The following SNED1 variants were observed in gnomAD, a reference collection of about 807,000 sequenced individuals.
SNED1 encodes the protein sushi, nidogen and EGF like domains 1.
In SNED1, 81 loss-of-function variants were observed where a neutral mutation model predicts 166.7. The ratio of observed to expected loss-of-function variants is 0.49; its 90% CI spans 0.41 to 0.58. The LOEUF (loss-of-function observed/expected upper bound fraction) is 0.58, where lower values mean the gene tolerates loss of function less well. Among genes scored for constraint, SNED1 ranks in the 20% least tolerant of loss-of-function variants. SNED1 has a pLI of 0.00. For missense variants in SNED1, 1,604 were observed against 2,000.2 expected (o/e 0.80, Z 3.78); for synonymous variants, 762 against 822.0 (o/e 0.93, Z 1.25).
At chr2:241,031,723 AT>A (rs1434301897) in intron 2 of SNED1, among the ~76,000 whole-genome samples, 2 of 152,152 alleles carry the variant, frequency 1.3e-5, no homozygotes, top group African/African-American at 2.4e-5. Flanking sequence ...CACCACCCCA[AT>A]TCTACGGCCC....
At chr2:241,045,525 A>G (rs2061622472) in intron 8 of SNED1, among the ~76,000 whole-genome samples, 1 of 152,214 alleles carries the variant, frequency 6.6e-6, no homozygotes, top group South Asian at 2.1e-4. Flanking sequence ...ATTTTTGAAA[A>G]AGATTTAAAT....
chr2:241,022,492 C>G (rs143058868), intron 1 of SNED1, among the ~76,000 whole-genome samples: 184 of 152,228 alleles, frequency 1.2e-3, no homozygotes, highest in Non-Finnish European at 2.2e-3. Flanking sequence ...GTTCTTTCCC[C>G]CACTGAATAA....
rs538079685 is a variant in SNED1, at chr2:241,062,806, G to C, written c.2273G>C (p.Arg758Pro). ...CTCCTCTCAGAAATCGATGAGTGCC[G>C]GTCTCAGCCGTGCCTGCATGGGGGC... ...PPQCLEIDEC[R>P]SQPCLHGGSC... The change falls in exon 17 of 32, where the codon CGG becomes CCG. Residue 758 changes from arginine to proline, a missense_variant. Arg to Pro is a moderately radical substitution (Grantham distance 103, BLOSUM62 -2). Transcript: ENST00000310397. 1 of 1,609,894 alleles carries C rather than the reference G, an allele frequency of 6.2e-7. No individual in the cohort carries two copies. Among genetic ancestry groups the C allele is most frequent in the Non-Finnish European group, 8.5e-7 (1 of 1,178,078 alleles).
chr2:241,071,954 C>G, intron 26 of SNED1, 76 bp downstream of exon 26: 1 of 1,216,190 alleles, frequency 8.2e-7, no homozygotes, highest in Non-Finnish European at 1.2e-6. Context: ...GGTCCTGTCC[C>G]CTACATGATG....
chr2:241,032,541 T>G (rs566392010), intron 2 of SNED1, among the ~76,000 whole-genome samples: 117 of 151,680 alleles, frequency 7.7e-4, no homozygotes, highest in African/African-American at 2.3e-3. Flanking sequence ...TGTAAATGAC[T>G]AGGTAATGGG....
intron 29 of SNED1, among the ~76,000 whole-genome samples, chr2:241,086,468 T>A (rs1471850223): frequency 6.6e-6 from 1 of 152,124 alleles, no homozygotes; most frequent in African/African-American, 2.4e-5. Flanking sequence ...TGTGATGCCA[T>A]CCAAAAACTT....
At chr2:241,032,293 T>G (rs543633235) in intron 2 of SNED1, among the ~76,000 whole-genome samples, 2 of 151,746 alleles carry the variant, frequency 1.3e-5, no homozygotes, top group South Asian at 4.2e-4. Flanking sequence ...GAGGTTGCAG[T>G]GAGCCGAGAT....
At chr2:241,031,287 C>T (rs914774221) in intron 2 of SNED1, among the ~76,000 whole-genome samples, 1 of 152,204 alleles carries the variant, frequency 6.6e-6, no homozygotes, top group Non-Finnish European at 1.5e-5. Flanking sequence ...GCCTCAGCCT[C>T]CTGAGCAGCT....
intron 1 of SNED1, among the ~76,000 whole-genome samples, chr2:241,000,948 G>A (rs2060058655): frequency 6.6e-6 from 1 of 152,218 alleles, no homozygotes; most frequent in Non-Finnish European, 1.5e-5. Context: ...AGAGAAAGGG[G>A]TGCTTGGCAG....
At position 241,094,255 on chromosome 2, in the gene SNED1, C is replaced by T. The variant is rs1216119404; in HGVS notation, c.*2619C>T. The T allele has an allele frequency of 6.4e-6, 3 of 467,334 alleles. No homozygotes were observed. Among genetic ancestry groups the T allele is most frequent in the Non-Finnish European group, 1.3e-5 (3 of 226,008 alleles). 28.9% of individuals were successfully genotyped at this position (467,334 alleles called of 1,614,324 possible). A position where few individuals can be genotyped will look rare whatever the true frequency, so the allele number is the denominator to read the frequency against. ...CAGTAGAGAACCCAACAGGCAAGGG[C>T]CCCACTCAGGTATCAGCTCACCTCC... is the stretch of plus-strand genomic sequence containing the variant. On this transcript the variant is annotated 3_prime_UTR_variant, in exon 32 of 32. Coordinates refer to ENST00000310397, the MANE Select transcript of SNED1 (RefSeq NM_001080437.3). The surrounding 1 kb of genome is among the most constrained non-coding windows in gnomAD (Gnocchi z 4.3).
Position 241,075,487 on chromosome 2 carries a change from G to C in SNED1, c.3916+2123G>C, listed in dbSNP as rs2062976309. On this transcript the variant is annotated intron_variant, in intron 27 of 31. Coordinates refer to ENST00000310397, the MANE Select transcript of SNED1 (RefSeq NM_001080437.3). The surrounding 1 kb of genome is among the most constrained non-coding windows in gnomAD (Gnocchi z 4.8). ...CTGATGTGACTGCGCCTCTCCTCATGGGCATCCACCAAAGGTGTTTGCTTC... is the reference window on the plus strand; with the variant it reads ...CTGATGTGACTGCGCCTCTCCTCATCGGCATCCACCAAAGGTGTTTGCTTC... The C allele has an allele frequency of 6.6e-6, 1 of 152,168 alleles. No homozygotes were observed. The highest frequency in any genetic ancestry group is 2.1e-4 in the South Asian group (1 of 4,826). The allele number at this position is 152,168 out of a possible 1,614,324, so 9.4% of individuals were successfully genotyped here.
intron 21 of SNED1, among the ~76,000 whole-genome samples, chr2:241,066,614 C>T (rs968390369): frequency 1.1e-4 from 14 of 125,244 alleles, no homozygotes; most frequent in African/African-American, 2.2e-4. Context: ...CAGACTGCTG[C>T]GAAGTGGCGT....
At chr2:241,081,467 C>T (rs568833734) in intron 27 of SNED1, among the ~76,000 whole-genome samples, 18 of 152,332 alleles carry the variant, frequency 1.2e-4, no homozygotes, top group African/African-American at 4.1e-4. Context: ...GAGCACACTG[C>T]GGCCTGTCTC....
rs994922418 is a variant in SNED1 at position 241,051,746 on chromosome 2, C to T, written c.1738C>T (p.Arg580Trp). 1.6e-5 allele frequency: 24 copies of T among 1,489,568 alleles called. No individual in the cohort carries two copies. The highest frequency in any genetic ancestry group is 1.2e-4 in the Admixed American group (5 of 41,042). 92.3% of individuals were successfully genotyped at this position (1,489,568 alleles called of 1,614,324 possible). Reference sequence around the variant, plus strand: ...TGCCTCTCTGTCCTTCCACACAGCCCGGCCACACCTGTGCAGCTCAGGGCC... The same window carrying T: ...TGCCTCTCTGTCCTTCCACACAGCCTGGCCACACCTGTGCAGCTCAGGGCC... Reference protein sequence around the residue: ...GFHGKHCEKARPHLCSSGPCR... With the variant: ...GFHGKHCEKAWPHLCSSGPCR... Residue 580 changes from arginine (R) to tryptophan (W), a missense_variant and splice_region_variant, in exon 13 of 32, where the codon CGG becomes TGG. By Grantham distance (101) the Arg-to-Trp change is moderately radical. Around this residue, in one of 2 missense-constraint regions of SNED1, gnomAD observed 1,237 missense variants for 1,620.8 expected, o/e 0.76. Coordinates refer to ENST00000310397, the MANE Select transcript of SNED1 (RefSeq NM_001080437.3). This position sits in a 1 kb window ranked among gnomAD's most constrained non-coding sequence, Gnocchi z 4.7.
chr2:241,012,758 C>G (rs2060450532), intron 1 of SNED1, among the ~76,000 whole-genome samples: 1 of 151,578 alleles, frequency 6.6e-6, no homozygotes. Flanking sequence ...ACGTGTGTGA[C>G]AAGAACACTT....
chr2:241,018,053 T>C lies in SNED1; in HGVS notation c.214-12231T>C, dbSNP rs1360811611. On this transcript the variant is annotated intron_variant, in intron 1 of 31. Coordinates refer to ENST00000310397, the MANE Select transcript of SNED1 (RefSeq NM_001080437.3). The surrounding 1 kb of genome is among the most constrained non-coding windows in gnomAD (Gnocchi z 5.4). ...CAAGGTGGTGGGTACCTTGATCCCT[T>C]TCCCGACTGGAGAGGCATTCCAAGG... is the stretch of plus-strand genomic sequence containing the variant. Among the ~76,000 whole-genome samples the C allele has an allele frequency of 1.3e-5, 2 of 152,136 alleles. No homozygotes were observed. The highest frequency in any genetic ancestry group is 2.9e-5 in the Non-Finnish European group (2 of 68,012).
chr2:241,079,926 T>C (rs1025053840), intron 27 of SNED1, among the ~76,000 whole-genome samples: 3 of 152,118 alleles, frequency 2.0e-5, no homozygotes, highest in South Asian at 4.1e-4. Context: ...AAGAAAATAA[T>C]TGTTAACGCC....
chr2:241,064,972 C>A lies in SNED1; in HGVS notation c.2713+15C>A. The A allele has an allele frequency of 1.3e-6, 2 of 1,552,258 alleles. No individual in the cohort carries two copies. Among genetic ancestry groups the A allele is most frequent in the Non-Finnish European group, 1.7e-6 (2 of 1,151,728 alleles). ...CTGCGCCAAAGGTGGGTGGCGAGGG[C>A]GCCTCCAGTGAGGGAGCCACGAGGG... is the stretch of plus-strand genomic sequence containing the variant. On this transcript the variant is annotated intron_variant, in intron 20 of 31. Transcript: ENST00000310397. The surrounding 1 kb of genome is among the most constrained non-coding windows in gnomAD (Gnocchi z 7.0).
chr2:241,041,170 G>T, intron 8 of SNED1: 1 of 222,154 alleles, frequency 4.5e-6, no homozygotes, highest in Middle Eastern at 1.8e-3. Flanking sequence ...GCCAGGGTGT[G>T]TCCTGAGGGG....
Sources: gnomAD v4.1 joint callset for allele counts (sites outside exome capture counted in the v4.1 genomes callset) on GRCh38, gnomAD v4.1.1 for gene constraint, gnomAD v4.1.1 regional missense constraint, Gnocchi (gnomAD v3.1) non-coding constraint, MANE v1.5 for transcripts, NCBI Gene and HGNC (gene_info 2026-07-23, HGNC 2026-07-21) for gene names.